The following MYT1L variants were observed in gnomAD, a reference collection of about 807,000 sequenced individuals.
The protein encoded by MYT1L is myelin transcription factor 1 like.
Under a neutral mutation model 126.7 loss-of-function variants are expected in MYT1L, and 12 were observed. The observed-to-expected ratio is 0.09, with a 90% CI of 0.06 to 0.15. MYT1L has a LOEUF of 0.15. Ranked by LOEUF, MYT1L falls within the 10% of genes least tolerant of loss-of-function variation. The pLI, the probability that MYT1L is intolerant of heterozygous loss-of-function variation, is 1.00. For missense variants in MYT1L, 979 were observed against 1,585.2 expected (o/e 0.62, Z 6.49); for synonymous variants, 541 against 604.2 (o/e 0.90, Z 1.53).
At chr2:2,267,059 A>G (rs1460611986) in intron 2 of MYT1L, among the ~76,000 whole-genome samples, 1 of 152,236 alleles carries the variant, frequency 6.6e-6, no homozygotes, top group African/African-American at 2.4e-5. Flanking sequence ...GCCATGGTGA[A>G]CCAGAGCAAG....
chr2:1,961,815 A>T (rs2058983477), intron 8 of MYT1L, among the ~76,000 whole-genome samples: 1 of 152,248 alleles, frequency 6.6e-6, no homozygotes, highest in African/African-American at 2.4e-5. Flanking sequence ...TTGGTTTCCC[A>T]GCACAATATA....
chr2:1,860,074 C>T (rs2044392588), intron 18 of MYT1L, among the ~76,000 whole-genome samples: 2 of 152,344 alleles, frequency 1.3e-5, no homozygotes, highest in South Asian at 2.1e-4. Context: ...ATGCTGCCCT[C>T]GTTGCCAACA....
At chr2:2,019,627 C>A (rs1468430677) in intron 4 of MYT1L, among the ~76,000 whole-genome samples, 1 of 152,222 alleles carries the variant, frequency 6.6e-6, no homozygotes, top group East Asian at 1.9e-4. Flanking sequence ...TCATTCTCTG[C>A]CATGCAGGCA....
chr2:2,126,767 C>T (rs1345371438), intron 3 of MYT1L, among the ~76,000 whole-genome samples: 1 of 152,216 alleles, frequency 6.6e-6, no homozygotes, highest in Non-Finnish European at 1.5e-5. Context: ...GCTCCATCCG[C>T]ACATTTTATC....
In MYT1L at chr2:2,176,967, T is replaced by C. The variant is rs145643561; in HGVS notation, c.-420-3979A>G. ...CTAGTTTACTAGCTATTCTTAGACA[T>C]GTACCTAAAGCCACAATTGCATTGT... On this transcript the variant is annotated intron_variant, in intron 2 of 24. Transcript: ENST00000647738. 5.3e-3 allele frequency among the ~76,000 whole-genome samples: 810 copies of C among 152,338 alleles called. 3 individuals are homozygous for C. The highest frequency in any genetic ancestry group is 0.011 in the South Asian group (53 of 4,828).
chr2:2,283,132 A>G (rs1416406942), intron 2 of MYT1L, among the ~76,000 whole-genome samples: 9 of 152,200 alleles, frequency 5.9e-5, no homozygotes, highest in Non-Finnish European at 1.3e-4. Context: ...ATAAGGGAAA[A>G]AGGAGTAAAG....
At chr2:1,909,830 C>G (rs2149012214) in intron 13 of MYT1L, among the ~76,000 whole-genome samples, 2 of 152,316 alleles carry the variant, frequency 1.3e-5, no homozygotes, top group East Asian at 3.9e-4. Context: ...GCTCATACCC[C>G]TGGCATCGTC....
chr2:2,194,791 A>C (rs1483192005), intron 2 of MYT1L, among the ~76,000 whole-genome samples: 1 of 152,256 alleles, frequency 6.6e-6, no homozygotes, highest in Non-Finnish European at 1.5e-5. Flanking sequence ...GACCAACTTT[A>C]AGCCAAGAAC....
chr2:2,097,122 C>T (rs1422333963), intron 3 of MYT1L, among the ~76,000 whole-genome samples: 2 of 152,058 alleles, frequency 1.3e-5, no homozygotes, highest in African/African-American at 4.8e-5. Flanking sequence ...GCCTCCTTCC[C>T]ATTGCTTTAA....
chr2:1,955,878 C>T (rs539394926), intron 8 of MYT1L, among the ~76,000 whole-genome samples: 3 of 152,134 alleles, frequency 2.0e-5, no homozygotes, highest in Admixed American at 6.5e-5. Flanking sequence ...CAAGGAAAAC[C>T]CATGAGATTT....
At chr2:2,171,698 T>C (rs1025026387) in intron 3 of MYT1L, among the ~76,000 whole-genome samples, 3 of 151,832 alleles carry the variant, frequency 2.0e-5, no homozygotes, top group Non-Finnish European at 4.4e-5. Context: ...ACGGAACCAA[T>C]GAGTGCAGTG....
At chr2:1,993,404 G>A (rs2061592034) in intron 5 of MYT1L, among the ~76,000 whole-genome samples, 1 of 152,042 alleles carries the variant, frequency 6.6e-6, no homozygotes, top group Admixed American at 6.5e-5. Flanking sequence ...CACAGAGCAG[G>A]CTCTTTGTAT....
chr2:2,266,462 G>C (rs1404261671), intron 2 of MYT1L, among the ~76,000 whole-genome samples: 3 of 152,180 alleles, frequency 2.0e-5, no homozygotes, highest in Non-Finnish European at 2.9e-5. Context: ...AAGCCACAAA[G>C]GCCCAAAGTA....
Position 2,068,322 on chromosome 2 carries a change from T to G in MYT1L, c.-303-14199A>C, listed in dbSNP as rs2150206761. On this transcript the variant is annotated intron_variant, in intron 3 of 24. Coordinates refer to ENST00000647738, the MANE Select transcript of MYT1L (RefSeq NM_001303052.2). ...GTCCGAGGTTGCAGTGGCTGAAGCT[T>G]TCTCCAGGAAAACAAACTCAGTGCA... is the stretch of plus-strand genomic sequence containing the variant. 1.3e-5 allele frequency among the ~76,000 whole-genome samples: 2 copies of G among 152,142 alleles called. 1 individual carries two copies. The highest frequency in any genetic ancestry group is 4.1e-4 in the South Asian group (2 of 4,826).
At chr2:1,983,916 C>A (rs1050250751) in intron 5 of MYT1L, among the ~76,000 whole-genome samples, 1 of 152,162 alleles carries the variant, frequency 6.6e-6, no homozygotes, top group Non-Finnish European at 1.5e-5. Flanking sequence ...CTTAAAACTC[C>A]ACTTTAGCAG....
At chr2:2,021,169 T>A (rs1574578672) in intron 4 of MYT1L, among the ~76,000 whole-genome samples, 1 of 152,160 alleles carries the variant, frequency 6.6e-6, no homozygotes, top group Admixed American at 6.5e-5. Flanking sequence ...GGGTTCCTAC[T>A]GCCTGAGAAA....
intron 3 of MYT1L, among the ~76,000 whole-genome samples, chr2:2,147,116 G>C (rs1013543351): frequency 1.3e-5 from 2 of 152,190 alleles, no homozygotes; most frequent in Admixed American, 1.3e-4. Flanking sequence ...GGCTTGAAAA[G>C]ACCCAGTGCC....
At chr2:2,004,388 T>C (rs1295017539) in intron 4 of MYT1L, among the ~76,000 whole-genome samples, 4 of 141,294 alleles carry the variant, frequency 2.8e-5, no homozygotes, top group African/African-American at 5.8e-5. Flanking sequence ...CCTGCAGGCG[T>C]TCTTTCCTGC....
chr2:1,949,723 G>A (rs1020950522), intron 8 of MYT1L, among the ~76,000 whole-genome samples: 1 of 152,118 alleles, frequency 6.6e-6, no homozygotes, highest in South Asian at 2.1e-4. Flanking sequence ...TGTTATCACC[G>A]CCGTGGAGAG....
Sources: allele counts gnomAD v4.1 joint callset (sites outside exome capture counted in the v4.1 genomes callset), GRCh38; gene constraint gnomAD v4.1.1; transcripts MANE v1.5; gene names NCBI Gene and HGNC (gene_info 2026-07-23, HGNC 2026-07-21).